STX17: variants seen among roughly 807,000 people sequenced by gnomAD.
STX17 encodes syntaxin-17.
STX17 carries 29 observed loss-of-function variants against 35.9 expected under a neutral mutation model. The ratio of observed to expected loss-of-function variants is 0.81; its 90% confidence interval spans 0.60 to 1.10. The LOEUF (loss-of-function observed/expected upper bound fraction) is 1.10. Ranked by LOEUF, STX17 falls within the 50% of genes least tolerant of loss-of-function variation. The probability of loss-of-function intolerance (pLI) is 0.00; values close to 1 mark genes in which losing one functional copy is unlikely to be tolerated. For synonymous variants in STX17, 92 were observed against 118.3 expected (o/e 0.78, Z 1.44); for missense variants, 312 against 352.3 (o/e 0.89, Z 0.92).
At position 99,916,667 on chromosome 9, in the gene STX17, A is replaced by G. The variant is rs773345742; in HGVS notation, c.123+1305A>G. ...TATTAAAATGAAAAGTTTAATGCGA[A>G]TATTTGAAGTCTTTCTAGAATTTAG... On this transcript the variant is annotated intron_variant, in intron 2 of 7. Coordinates refer to ENST00000259400, the MANE Select transcript of STX17 (RefSeq NM_017919.3). Among the ~76,000 whole-genome samples, 88 of 152,166 alleles carry G rather than the reference A, an allele frequency of 5.8e-4. 1 individual carries two copies. Among genetic ancestry groups the G allele is most frequent in the Non-Finnish European group, 8.7e-4 (59 of 68,030 alleles).
chr9:99,942,098 C>A (rs1398860624), intron 3 of STX17, among the ~76,000 whole-genome samples: 1 of 152,188 alleles, frequency 6.6e-6, no homozygotes, highest in Non-Finnish European at 1.5e-5. Context: ...GCAGTGAGTA[C>A]AATCCTGTGG....
chr9:99,948,519 T>A (rs970587693), intron 3 of STX17, among the ~76,000 whole-genome samples: 1 of 152,178 alleles, frequency 6.6e-6, no homozygotes, highest in Non-Finnish European at 1.5e-5. Flanking sequence ...GCCTATACTA[T>A]TTACTAGCAG....
At chr9:99,933,268 C>A (rs139000358) in intron 3 of STX17, among the ~76,000 whole-genome samples, 3 of 152,278 alleles carry the variant, frequency 2.0e-5, no homozygotes, top group African/African-American at 7.2e-5. Context: ...TCTTTATATT[C>A]TATTCCATTT....
At chr9:99,907,663 T>C (rs1828578212) in intron 1 of STX17, among the ~76,000 whole-genome samples, 1 of 152,240 alleles carries the variant, frequency 6.6e-6, no homozygotes, top group Non-Finnish European at 1.5e-5. Context: ...TAAAAAACTT[T>C]TTTATTTTGA....
At chr9:99,911,496 T>C (rs1248468579) in intron 1 of STX17, among the ~76,000 whole-genome samples, 1 of 152,124 alleles carries the variant, frequency 6.6e-6, no homozygotes, top group Non-Finnish European at 1.5e-5. Flanking sequence ...GATATACTGA[T>C]TTTTTTTCCT....
At chr9:99,930,637 C>T (rs1829102509) in intron 3 of STX17, among the ~76,000 whole-genome samples, 1 of 152,160 alleles carries the variant, frequency 6.6e-6, no homozygotes. Flanking sequence ...ACTTTCTAGG[C>T]TTGTTGTGCA....
At chr9:99,927,694 C>G (rs970728305) in intron 2 of STX17, among the ~76,000 whole-genome samples, 5 of 152,144 alleles carry the variant, frequency 3.3e-5, no homozygotes, top group Admixed American at 3.3e-4. Context: ...CCAGGCTGGT[C>G]TCAAACATCT....
At chr9:99,936,061 T>C (rs1385821729) in intron 3 of STX17, among the ~76,000 whole-genome samples, 2 of 152,190 alleles carry the variant, frequency 1.3e-5, no homozygotes, top group Non-Finnish European at 2.9e-5. Context: ...TGAAATTCAT[T>C]TATGTTGTAA....
At chr9:99,968,157 T>TA (rs900458062) in intron 7 of STX17, among the ~76,000 whole-genome samples, 2 of 152,226 alleles carry the variant, frequency 1.3e-5, no homozygotes, top group African/African-American at 4.8e-5. Context: ...ACAGTTTAAA[T>TA]AAGCCAGCTA....
chr9:99,906,871 G>T (rs1025591799), intron 1 of STX17, 165 bp downstream of exon 1: 1 of 152,298 alleles, frequency 6.6e-6, no homozygotes, highest in African/African-American at 2.4e-5. Context: ...AAGTGGCGGA[G>T]CCTCGCTTGG....
Position 99,969,720 on chromosome 9 carries a change from G to C in STX17, c.*1047G>C, listed in dbSNP as rs1481628270. ...CAGTCTTCTTTTCAGCTGGTCTCTG[G>C]GGGGAGCTGAGAACTCGCTTGCTAC... On this transcript the variant is annotated 3_prime_UTR_variant, in exon 8 of 8. Transcript: ENST00000259400. The C allele has an allele frequency of 6.6e-6, 1 of 152,044 alleles. No homozygotes were observed. The highest frequency in any genetic ancestry group is 2.1e-4 in the South Asian group (1 of 4,780). The allele number at this position is 152,044 out of a possible 1,614,324, so 9.4% of individuals were successfully genotyped here. A position where few individuals can be genotyped will look rare whatever the true frequency, so the allele number is the denominator to read the frequency against.
intron 4 of STX17, among the ~76,000 whole-genome samples, chr9:99,957,409 TGA>T (rs1829729620): frequency 6.6e-6 from 1 of 152,186 alleles, no homozygotes; most frequent in Non-Finnish European, 1.5e-5. Context: ...ACAAATTCCT[TGA>T]GAGAATGTAC....
At chr9:99,910,883 C>T (rs1424580187) in intron 1 of STX17, among the ~76,000 whole-genome samples, 2 of 152,098 alleles carry the variant, frequency 1.3e-5, no homozygotes, top group Non-Finnish European at 1.5e-5. Context: ...CTTTTTTCCC[C>T]CTTTTTATTT....
chr9:99,908,631 A>G (rs2118279449), intron 1 of STX17, among the ~76,000 whole-genome samples: 1 of 151,490 alleles, frequency 6.6e-6, no homozygotes, highest in African/African-American at 2.4e-5. Context: ...CTTTTTTGGA[A>G]CTTCCTAATT....
chr9:99,936,307 G>A (rs747801188), intron 3 of STX17, among the ~76,000 whole-genome samples: 6 of 152,192 alleles, frequency 3.9e-5, no homozygotes, highest in Middle Eastern at 3.4e-3. Flanking sequence ...TGATTGTATC[G>A]TTTTATATTC....
chr9:99,957,330 C>G (rs1369029814), intron 4 of STX17, among the ~76,000 whole-genome samples: 1 of 152,164 alleles, frequency 6.6e-6, no homozygotes, highest in African/African-American at 2.4e-5. Context: ...ATTTCTGATT[C>G]TAGATAGATA....
chr9:99,972,497 A>G lies in STX17; in HGVS notation c.*3824A>G. Among the ~76,000 whole-genome samples the G allele has an allele frequency of 6.6e-6, 1 of 152,110 alleles. No individual in the cohort carries two copies. The highest frequency in any genetic ancestry group is 1.9e-4 in the East Asian group (1 of 5,190). Reference sequence around the variant, plus strand: ...ATGATGGTGCTGTGTAGAACTGACCAGAGTTCCTGGAGGATTTTGAGGTTA... The same window carrying G: ...ATGATGGTGCTGTGTAGAACTGACCGGAGTTCCTGGAGGATTTTGAGGTTA... On this transcript the variant is annotated 3_prime_UTR_variant, in exon 8 of 8. Coordinates refer to ENST00000259400, the MANE Select transcript of STX17 (RefSeq NM_017919.3).
At chr9:99,964,382 A>G (rs1055517646) in intron 6 of STX17, among the ~76,000 whole-genome samples, 10 of 152,158 alleles carry the variant, frequency 6.6e-5, no homozygotes, top group African/African-American at 2.4e-4. Flanking sequence ...TGAAATCCGT[A>G]GACATATTCT....
At chr9:99,962,947 T>C (rs1829855187) in intron 6 of STX17, among the ~76,000 whole-genome samples, 1 of 152,184 alleles carries the variant, frequency 6.6e-6, no homozygotes, top group South Asian at 2.1e-4. Context: ...GACATGATAG[T>C]GTCTAGACAA....
Sources: gnomAD v4.1 joint callset for allele counts (sites outside exome capture counted in the v4.1 genomes callset) on GRCh38, gnomAD v4.1.1 for gene constraint, MANE v1.5 for transcripts, NCBI Gene and HGNC (gene_info 2026-07-23, HGNC 2026-07-21) for gene names.